Variants in RPSA2 observed in about 807,000 individuals in gnomAD.
RPSA2 encodes the protein ribosomal protein SA 2, also known as small ribosomal subunit protein uS2B.
the RPSA2 span, among the ~76,000 whole-genome samples, chr19:23,761,928 T>C: frequency 0.02 from 1,070 of 53,798 alleles, 13 homozygotes; most frequent in East Asian, 0.11. Flanking sequence ...TTCTTTTTTT[T>C]TTTTTTTGAG....
chr19:23,867,044 C>T, the RPSA2 span, among the ~76,000 whole-genome samples: 1 of 152,162 alleles, frequency 6.6e-6, no homozygotes, highest in South Asian at 2.1e-4. Flanking sequence ...CACCCTTCTG[C>T]ATGAAAGGAG....
chr19:23,768,519 A>C, the RPSA2 span, among the ~76,000 whole-genome samples: 1 of 145,034 alleles, frequency 6.9e-6, no homozygotes, highest in African/African-American at 2.5e-5. Context: ...TTATTAAATT[A>C]TCTCTCATGG....
the RPSA2 span, among the ~76,000 whole-genome samples, chr19:23,772,221 C>T: frequency 6.6e-6 from 1 of 152,184 alleles, no homozygotes; most frequent in Non-Finnish European, 1.5e-5. Context: ...TTTGGCTCTT[C>T]TGCCTCTGTC....
the RPSA2 span, among the ~76,000 whole-genome samples, chr19:23,844,878 C>A: frequency 6.6e-6 from 1 of 150,854 alleles, no homozygotes; most frequent in African/African-American, 2.4e-5. Flanking sequence ...TTTGGCTGTG[C>A]ATTTATCTAG....
the RPSA2 span, chr19:23,827,715 T>G: frequency 3.5e-4 from 561 of 1,584,872 alleles, 6 homozygotes; most frequent in South Asian, 5.7e-3. Context: ...GTTCTGCGCA[T>G]GCGTGGCACC....
At chr19:23,773,411 G>A in the RPSA2 span, among the ~76,000 whole-genome samples, 1 of 151,930 alleles carries the variant, frequency 6.6e-6, no homozygotes, top group Non-Finnish European at 1.5e-5. Flanking sequence ...AGCGTCCTGA[G>A]TAGCTGGGAT....
At chr19:23,759,889 T>C in the RPSA2 span, among the ~76,000 whole-genome samples, 35 of 152,174 alleles carry the variant, frequency 2.3e-4, no homozygotes, top group South Asian at 4.1e-4. Context: ...GAGGAGAAAG[T>C]GGGAGCCTAA....
chr19:23,838,366 T>C, the RPSA2 span, among the ~76,000 whole-genome samples: 1 of 152,314 alleles, frequency 6.6e-6, no homozygotes, highest in East Asian at 1.9e-4. Flanking sequence ...TTAGCATTAA[T>C]GTTTATCAAG....
chr19:23,837,062 A>T, the RPSA2 span, among the ~76,000 whole-genome samples: 2 of 152,142 alleles, frequency 1.3e-5, no homozygotes, highest in Non-Finnish European at 1.5e-5. Flanking sequence ...TGGCCAACCA[A>T]TGCCTAGAAG....
the RPSA2 span, chr19:23,832,850 C>T: frequency 6.3e-7 from 1 of 1,581,664 alleles, no homozygotes; most frequent in Non-Finnish European, 8.6e-7. Flanking sequence ...TCAACCCTTA[C>T]TACACATAAG....
chr19:23,841,570 A>G, the RPSA2 span, among the ~76,000 whole-genome samples: 2 of 152,210 alleles, frequency 1.3e-5, no homozygotes, highest in African/African-American at 4.8e-5. Flanking sequence ...TGTCACGCCA[A>G]GTGTCAGGTT....
chr19:23,786,038 CTG>C, the RPSA2 span, among the ~76,000 whole-genome samples: 2 of 152,174 alleles, frequency 1.3e-5, no homozygotes, highest in East Asian at 3.8e-4. Flanking sequence ...AAAATTGTGA[CTG>C]TCATATGTGA....
chr19:23,862,658 T>C, the RPSA2 span, among the ~76,000 whole-genome samples: 3 of 152,198 alleles, frequency 2.0e-5, no homozygotes, highest in African/African-American at 4.8e-5. Context: ...TCTTTGGTTC[T>C]GTTTATATGC....
the RPSA2 span, among the ~76,000 whole-genome samples, chr19:23,779,380 GTA>G: frequency 2.0e-5 from 3 of 152,032 alleles, no homozygotes; most frequent in Admixed American, 6.6e-5. Flanking sequence ...GTATTGTGAT[GTA>G]TCACTGGGCC....
chr19:23,869,004 C>A, the RPSA2 span, among the ~76,000 whole-genome samples: 10 of 152,288 alleles, frequency 6.6e-5, no homozygotes, highest in East Asian at 3.9e-4. Context: ...CCAGAAAAAA[C>A]CCCTGATTCC....
the RPSA2 span, among the ~76,000 whole-genome samples, chr19:23,830,993 TTG>T: frequency 6.6e-6 from 1 of 152,212 alleles, no homozygotes; most frequent in African/African-American, 2.4e-5. Context: ...GTCTGAAATT[TTG>T]TGTTTAATTT....
the RPSA2 span, among the ~76,000 whole-genome samples, chr19:23,795,723 G>A: frequency 1.3e-5 from 2 of 152,264 alleles, no homozygotes; most frequent in African/African-American, 4.8e-5. Flanking sequence ...GAAGTGTTGA[G>A]AGAAGGCATC....
the RPSA2 span, among the ~76,000 whole-genome samples, chr19:23,801,067 TCTC>T: frequency 6.6e-6 from 1 of 152,136 alleles, no homozygotes; most frequent in Non-Finnish European, 1.5e-5. Flanking sequence ...GACATGAGAA[TCTC>T]CACTTCTCTT....
At chr19:23,781,369 G>T in the RPSA2 span, among the ~76,000 whole-genome samples, 1 of 151,940 alleles carries the variant, frequency 6.6e-6, no homozygotes, top group Non-Finnish European at 1.5e-5. Flanking sequence ...ATGGAGTTTC[G>T]CTCTTCTTAC....
Sources: gnomAD v4.1 joint callset for allele counts (sites outside exome capture counted in the v4.1 genomes callset) on GRCh38, gnomAD v4.1.1 for gene constraint, MANE v1.5 for transcripts, NCBI Gene and HGNC (gene_info 2026-07-23, HGNC 2026-07-21) for gene names.